ATRNL1: variants seen among roughly 807,000 people sequenced by gnomAD.
ATRNL1 encodes the protein attractin like 1.
In ATRNL1, 95 loss-of-function variants were observed where a neutral mutation model predicts 182.7. That is an observed-to-expected ratio of 0.52 (90% CI 0.44 to 0.62). The LOEUF is 0.62. Ranked by LOEUF, ATRNL1 falls within the 20% of genes least tolerant of loss-of-function variation. ATRNL1 has a pLI of 0.00. For missense variants in ATRNL1, 1,471 were observed against 1,679.5 expected, an observed-to-expected ratio of 0.88 and a Z score of 2.17; for synonymous variants, 576 against 568.3, an observed-to-expected ratio of 1.01 and a Z score of -0.19.
chr10:115,510,384 C>T (rs934191083), intron 24 of ATRNL1, among the ~76,000 whole-genome samples: 12 of 152,104 alleles, frequency 7.9e-5, no homozygotes, highest in Admixed American at 5.2e-4. Context: ...TCATTGTTGT[C>T]TTATTTTAAG....
At chr10:115,597,736 T>G (rs1275438888) in intron 26 of ATRNL1, 1 of 441,758 alleles carries the variant, frequency 2.3e-6, no homozygotes, top group Non-Finnish European at 4.5e-6. Flanking sequence ...TTAGTAGAGA[T>G]GGGGTTTCAC....
chr10:115,910,537 G>A (rs1157917374), intron 28 of ATRNL1, among the ~76,000 whole-genome samples: 1 of 152,072 alleles, frequency 6.6e-6, no homozygotes, highest in Non-Finnish European at 1.5e-5. Flanking sequence ...CATCTGTGAA[G>A]CATTTCCTAG....
chr10:115,701,632 G>A (rs1555051553), intron 26 of ATRNL1, among the ~76,000 whole-genome samples: 2 of 151,834 alleles, frequency 1.3e-5, no homozygotes, highest in African/African-American at 4.8e-5. Flanking sequence ...AGCCAATCCT[G>A]CGAAAATATA....
intron 26 of ATRNL1, among the ~76,000 whole-genome samples, chr10:115,704,410 T>C (rs1368139129): frequency 3.3e-5 from 5 of 151,966 alleles, no homozygotes; most frequent in Admixed American, 3.3e-4. Flanking sequence ...ACATCTGCAA[T>C]GGCCCTATTT....
chr10:115,621,491 G>A (rs1410729505), intron 26 of ATRNL1, among the ~76,000 whole-genome samples: 9 of 151,744 alleles, frequency 5.9e-5, no homozygotes, highest in East Asian at 1.9e-4. Context: ...TTGTAGAGAC[G>A]GGGTTTTGTC....
At chr10:115,338,313 AC>A (rs1332889486) in intron 19 of ATRNL1, among the ~76,000 whole-genome samples, 1 of 152,120 alleles carries the variant, frequency 6.6e-6, no homozygotes, top group Non-Finnish European at 1.5e-5. Flanking sequence ...GAACCTTCAA[AC>A]TTTTCTCCAT....
At chr10:115,593,939 C>G (rs1555013123) in intron 26 of ATRNL1, among the ~76,000 whole-genome samples, 1 of 151,906 alleles carries the variant, frequency 6.6e-6, no homozygotes, top group African/African-American at 2.4e-5. Flanking sequence ...TTTATTTAAT[C>G]TATTTAAATG....
At chr10:115,371,999 G>A (rs1448038285) in intron 19 of ATRNL1, among the ~76,000 whole-genome samples, 1 of 152,144 alleles carries the variant, frequency 6.6e-6, no homozygotes, top group Non-Finnish European at 1.5e-5. Context: ...AAAAAGGGGA[G>A]TTTCTCTGCA....
chr10:115,676,210 T>G (rs1052553566), intron 26 of ATRNL1, among the ~76,000 whole-genome samples: 2 of 152,000 alleles, frequency 1.3e-5, no homozygotes, highest in Non-Finnish European at 2.9e-5. Flanking sequence ...GCACAAAACT[T>G]TAATCACAAA....
At chr10:115,646,452 T>C (rs1859620390) in intron 26 of ATRNL1, among the ~76,000 whole-genome samples, 1 of 152,054 alleles carries the variant, frequency 6.6e-6, no homozygotes, top group South Asian at 2.1e-4. Context: ...TTTTCTAGAC[T>C]CTACAGCTAG....
chr10:115,616,269 A>G (rs1576146), intron 26 of ATRNL1, among the ~76,000 whole-genome samples: 71,235 of 152,034 alleles, frequency 0.47, 18,457 homozygotes, highest in East Asian at 0.84. Flanking sequence ...AGAAATTTCT[A>G]AGCAACAAAG....
chr10:115,625,920 T>A (rs1858066370), intron 26 of ATRNL1, among the ~76,000 whole-genome samples: 1 of 152,158 alleles, frequency 6.6e-6, no homozygotes, highest in Non-Finnish European at 1.5e-5. Flanking sequence ...GTATAAAGAT[T>A]ATCCTTGAAT....
chr10:115,477,194 A>G (rs910620638), intron 24 of ATRNL1, among the ~76,000 whole-genome samples: 5 of 151,578 alleles, frequency 3.3e-5, no homozygotes, highest in Non-Finnish European at 7.4e-5. Flanking sequence ...TCTTCTCCCA[A>G]AATGAAATTT....
chr10:115,933,156 A>G (rs1953455617), intron 28 of ATRNL1, among the ~76,000 whole-genome samples: 1 of 152,220 alleles, frequency 6.6e-6, no homozygotes, highest in Non-Finnish European at 1.5e-5. Flanking sequence ...GTAAATTTTA[A>G]AACAAACAAA....
At chr10:115,830,757 G>C (rs1589572061) in intron 27 of ATRNL1, among the ~76,000 whole-genome samples, 1 of 152,100 alleles carries the variant, frequency 6.6e-6, no homozygotes, top group African/African-American at 2.4e-5. Context: ...TCCTCTTGGG[G>C]AACCTCAACC....
chr10:115,860,591 A>G (rs1951292874), intron 28 of ATRNL1, among the ~76,000 whole-genome samples: 1 of 152,194 alleles, frequency 6.6e-6, no homozygotes, highest in East Asian at 1.9e-4. Flanking sequence ...ATATTATACA[A>G]CTGCAGAAAC....
At chr10:115,137,336 A>G (rs1251416385) in intron 5 of ATRNL1, among the ~76,000 whole-genome samples, 1 of 152,244 alleles carries the variant, frequency 6.6e-6, no homozygotes, top group Non-Finnish European at 1.5e-5. Context: ...TTCTCATTGT[A>G]ATAGAATTCT....
intron 8 of ATRNL1, among the ~76,000 whole-genome samples, chr10:115,192,445 A>T (rs1848203918): frequency 6.6e-6 from 1 of 151,996 alleles, no homozygotes; most frequent in Non-Finnish European, 1.5e-5. Flanking sequence ...ATTCTGTTGC[A>T]TTGGTCTATA....
chr10:115,128,720 G>C (rs1320612391), intron 4 of ATRNL1, among the ~76,000 whole-genome samples: 8 of 151,742 alleles, frequency 5.3e-5, no homozygotes, highest in Non-Finnish European at 8.8e-5. Flanking sequence ...CCAGCTACTC[G>C]GGAGGCTGAG....
Sources: gnomAD v4.1 joint callset for allele counts (sites outside exome capture counted in the v4.1 genomes callset) on GRCh38, gnomAD v4.1.1 for gene constraint, MANE v1.5 for transcripts, NCBI Gene and HGNC (gene_info 2026-07-23, HGNC 2026-07-21) for gene names.